Variants in SLC35F4 observed in about 807,000 individuals in gnomAD.
The protein encoded by SLC35F4 is chromosome 14 open reading frame 36.
A neutral mutation model predicts 44.2 loss-of-function variants in SLC35F4; 24 were observed. That is an observed-to-expected ratio of 0.54 (90% CI 0.39 to 0.76). The LOEUF is 0.76. SLC35F4 is among the 30% of genes least tolerant of loss of function. The pLI, the probability that SLC35F4 is intolerant of heterozygous loss-of-function variation, is 0.00. For synonymous variants in SLC35F4, 238 were observed against 223.6 expected, an observed-to-expected ratio of 1.06 and a Z score of -0.57; for missense variants, 562 against 586.1, an observed-to-expected ratio of 0.96 and a Z score of 0.42.
At chr14:57,824,001 A>G (rs2051304927) in intron 1 of SLC35F4, among the ~76,000 whole-genome samples, 2 of 152,102 alleles carry the variant, frequency 1.3e-5, no homozygotes, top group South Asian at 4.1e-4. Flanking sequence ...ATTTTATATC[A>G]TATTCCCCAA....
At position 57,581,342 on chromosome 14, in the gene SLC35F4, T is replaced by C. The variant is rs1209130383; in HGVS notation, c.679A>G (p.Asn227Asp). The C allele has an allele frequency of 1.9e-6, 3 of 1,613,516 alleles. No individual in the cohort carries two copies. Among genetic ancestry groups the C allele is most frequent in the Non-Finnish European group, 2.5e-6 (3 of 1,179,708 alleles). Reference protein sequence around the residue: ...APFSILWTLTNYLYLLALKKL... With the variant: ...APFSILWTLTDYLYLLALKKL... Reference sequence around the variant, plus strand: ...TTTAAAGCCAGTAAATAAAGGTAATTAGTCAAAGTCCATAGAATAGAAAAG... The same window carrying C: ...TTTAAAGCCAGTAAATAAAGGTAATCAGTCAAAGTCCATAGAATAGAAAAG... Residue 227 changes from asparagine to aspartate, a missense_variant, in exon 4 of 8, where the codon AAT becomes GAT. Coordinates refer to ENST00000556826, the MANE Select transcript of SLC35F4 (RefSeq NM_001306087.2).
At chr14:57,897,041 G>A (rs1888888756) in intron 1 of SLC35F4, among the ~76,000 whole-genome samples, 1 of 152,080 alleles carries the variant, frequency 6.6e-6, no homozygotes, top group Non-Finnish European at 1.5e-5. Flanking sequence ...CCCCTACTGT[G>A]AGTTAAATGA....
At chr14:57,765,796 A>G (rs1445683174) in intron 1 of SLC35F4, among the ~76,000 whole-genome samples, 1 of 152,218 alleles carries the variant, frequency 6.6e-6, no homozygotes. Flanking sequence ...GGCTATAAGT[A>G]TGTGTCAAAG....
rs1181242562 is a variant in SLC35F4, at chr14:57,724,490, T to G, written c.104-130366A>C. On this transcript the variant is annotated intron_variant, in intron 1 of 7. Transcript: ENST00000556826. ...TGCCTATCATGAACTGAGTCCTTTCTGACCCATCAAGCCATAAAGTGGGTC... is the reference window on the plus strand; with the variant it reads ...TGCCTATCATGAACTGAGTCCTTTCGGACCCATCAAGCCATAAAGTGGGTC... 2.6e-5 allele frequency among the ~76,000 whole-genome samples: 4 copies of G among 152,354 alleles called. No individual in the cohort carries two copies. In the East Asian group the frequency reaches 7.7e-4, roughly 29 times the overall value.
At chr14:57,802,161 T>C (rs577878260) in intron 1 of SLC35F4, among the ~76,000 whole-genome samples, 1 of 152,294 alleles carries the variant, frequency 6.6e-6, no homozygotes, top group Admixed American at 6.5e-5. Context: ...AAATTAGAAC[T>C]GAATATTAAG....
At chr14:57,688,583 T>C (rs2075134142) in intron 1 of SLC35F4, among the ~76,000 whole-genome samples, 1 of 152,162 alleles carries the variant, frequency 6.6e-6, no homozygotes. Context: ...CTGGATGAAA[T>C]GAACAATGAT....
intron 1 of SLC35F4, among the ~76,000 whole-genome samples, chr14:57,687,312 C>T (rs2075096147): frequency 6.6e-6 from 1 of 152,130 alleles, no homozygotes; most frequent in Admixed American, 6.6e-5. Flanking sequence ...AACAATGGTA[C>T]CATGGGACGT....
intron 1 of SLC35F4, among the ~76,000 whole-genome samples, chr14:57,811,957 G>C (rs1019013953): frequency 7.9e-5 from 12 of 152,150 alleles, no homozygotes; most frequent in Non-Finnish European, 1.6e-4. Flanking sequence ...ACTCCAGCCT[G>C]GGTGAGAGAG....
In SLC35F4 at chr14:57,573,998, A is replaced by G. The variant is rs183855196; in HGVS notation, c.808-1979T>C. Among the ~76,000 whole-genome samples, 4 of 152,314 alleles carry G rather than the reference A, an allele frequency of 2.6e-5. No individual in the cohort carries two copies. In the East Asian group the frequency reaches 7.7e-4, roughly 29 times the overall value. On this transcript the variant is annotated intron_variant, in intron 4 of 7. Coordinates refer to ENST00000556826, the MANE Select transcript of SLC35F4 (RefSeq NM_001306087.2). ...TTATTAAAAGCATTCTATAATACAT[A>G]ATACATGGGTTTAGGCAATTACACA...
chr14:57,852,731 C>A (rs1886695207), intron 1 of SLC35F4, among the ~76,000 whole-genome samples: 1 of 152,216 alleles, frequency 6.6e-6, no homozygotes, highest in Non-Finnish European at 1.5e-5. Context: ...CTCCAACTCA[C>A]TGGATTTGGA....
chr14:57,742,664 C>A (rs1274258053), intron 1 of SLC35F4, among the ~76,000 whole-genome samples: 4 of 152,092 alleles, frequency 2.6e-5, no homozygotes, highest in Non-Finnish European at 5.9e-5. Flanking sequence ...GACAGATCAA[C>A]AAGACAGAAA....
chr14:57,754,738 G>A (rs1423938348), intron 1 of SLC35F4, among the ~76,000 whole-genome samples: 1 of 152,082 alleles, frequency 6.6e-6, no homozygotes, highest in Admixed American at 6.5e-5. Context: ...ACGGCCTCTG[G>A]GTATAGCAAA....
chr14:57,964,838 T>C (rs984168437), intron 1 of SLC35F4, among the ~76,000 whole-genome samples: 3 of 151,864 alleles, frequency 2.0e-5, no homozygotes, highest in African/African-American at 7.3e-5. Context: ...AAGATTACAG[T>C]TACTGTTTTT....
At chr14:57,715,233 G>C (rs893706982) in intron 1 of SLC35F4, among the ~76,000 whole-genome samples, 7 of 152,114 alleles carry the variant, frequency 4.6e-5, no homozygotes, top group Non-Finnish European at 7.4e-5. Flanking sequence ...GCAGAAGAAT[G>C]CAAGAGGAAG....
intron 1 of SLC35F4, among the ~76,000 whole-genome samples, chr14:57,771,183 A>T (rs932891858): frequency 6.6e-6 from 1 of 152,162 alleles, no homozygotes; most frequent in Non-Finnish European, 1.5e-5. Context: ...ATTAAGTGAG[A>T]TCATTTTCCT....
chr14:57,887,146 T>A (rs1481328959), intron 1 of SLC35F4, among the ~76,000 whole-genome samples: 2 of 152,212 alleles, frequency 1.3e-5, no homozygotes, highest in Non-Finnish European at 2.9e-5. Flanking sequence ...GGACTAGCAC[T>A]GTAGAGCAGG....
rs371233446 is a variant in SLC35F4, at chr14:57,630,646, C to T, written c.104-36522G>A. On this transcript the variant is annotated intron_variant, in intron 1 of 7. Coordinates refer to ENST00000556826, the MANE Select transcript of SLC35F4 (RefSeq NM_001306087.2). ...TCACAGTCTATGTTTAGGTCAAAAT[C>T]GGTATCAAGGTCTTGGACTAGTCCT... The T allele has an allele frequency of 7.6e-5, 55 of 723,364 alleles. 2 individuals are homozygous for T. The highest frequency in any genetic ancestry group is 5.1e-4 in the South Asian group (37 of 72,116). The allele number at this position is 723,364 out of a possible 1,614,324, so 44.8% of individuals were successfully genotyped here.
intron 1 of SLC35F4, among the ~76,000 whole-genome samples, chr14:57,783,375 T>C (rs2077675859): frequency 6.6e-6 from 1 of 151,800 alleles, no homozygotes. Context: ...ACGTTTATAA[T>C]GCAGACAACA....
intron 4 of SLC35F4, among the ~76,000 whole-genome samples, chr14:57,576,250 C>A (rs1265650249): frequency 6.6e-6 from 1 of 152,156 alleles, no homozygotes; most frequent in Non-Finnish European, 1.5e-5. Context: ...GATTATAATC[C>A]AAACATGTTT....
Sources: allele counts gnomAD v4.1 joint callset (sites outside exome capture counted in the v4.1 genomes callset), GRCh38; gene constraint gnomAD v4.1.1; transcripts MANE v1.5; gene names NCBI Gene and HGNC (gene_info 2026-07-23, HGNC 2026-07-21).